SLC4A10: variants seen among roughly 807,000 people sequenced by gnomAD.
The protein encoded by SLC4A10 is solute carrier family 4 member 10.
SLC4A10 carries 42 observed loss-of-function variants against 137.7 expected under a neutral mutation model. The observed-to-expected ratio is 0.30, with a 90% CI of 0.24 to 0.39. The LOEUF is 0.39. Among genes scored for constraint, SLC4A10 ranks in the 10% least tolerant of loss-of-function variants. SLC4A10 has a pLI of 1.00. For missense variants in SLC4A10, 925 were observed against 1,355.0 expected, an observed-to-expected ratio of 0.68 and a Z score of 4.98; for synonymous variants, 474 against 464.1, an observed-to-expected ratio of 1.02 and a Z score of -0.27.
intron 7 of SLC4A10, 82 bp downstream of exon 7, chr2:161,872,466 A>G (rs1167974636): frequency 1.0e-6 from 1 of 1,005,006 alleles, no homozygotes; most frequent in Non-Finnish European, 1.5e-6. Flanking sequence ...TGTTGACACA[A>G]TATTTTGCAT....
chr2:161,813,712 C>A (rs2056774870), intron 3 of SLC4A10, among the ~76,000 whole-genome samples: 1 of 152,042 alleles, frequency 6.6e-6, no homozygotes, highest in Non-Finnish European at 1.5e-5. Context: ...ATATTTATAT[C>A]ATCTTACAAG....
intron 1 of SLC4A10, among the ~76,000 whole-genome samples, chr2:161,759,701 TA>T (rs548801355): frequency 6.6e-4 from 100 of 151,962 alleles, no homozygotes; most frequent in South Asian, 1.7e-3. Context: ...TTAAGTTCTT[TA>T]AAAAAAATTT....
rs542036484 is a variant in SLC4A10, at chr2:161,780,900, G to C, written c.130+9846G>C. Among the ~76,000 whole-genome samples, 6 of 152,022 alleles carry C rather than the reference G, an allele frequency of 3.9e-5. No homozygotes were observed. In the East Asian group the frequency reaches 1.2e-3, roughly 30 times the overall value. ...TTAATAAAAAATACATATCTAAAAG[G>C]ATAATCTGATGTTGTAAAATTATAA... On this transcript the variant is annotated intron_variant, in intron 2 of 26. Coordinates refer to ENST00000446997, the MANE Select transcript of SLC4A10 (RefSeq NM_001178015.2).
intron 1 of SLC4A10, among the ~76,000 whole-genome samples, chr2:161,641,340 T>A (rs1286511291): frequency 6.6e-6 from 1 of 152,170 alleles, no homozygotes; most frequent in Non-Finnish European, 1.5e-5. Flanking sequence ...GTTGAAGAAC[T>A]GACCAAAAGT....
intron 1 of SLC4A10, among the ~76,000 whole-genome samples, chr2:161,765,585 A>C (rs1274339737): frequency 6.7e-6 from 1 of 148,588 alleles, no homozygotes; most frequent in East Asian, 2.0e-4. Flanking sequence ...ACTGTACTCC[A>C]GCCTGAGTGA....
At chr2:161,653,504 A>C (rs2037097346) in intron 1 of SLC4A10, among the ~76,000 whole-genome samples, 1 of 152,202 alleles carries the variant, frequency 6.6e-6, no homozygotes, top group Non-Finnish European at 1.5e-5. Context: ...CCTCTCCAGC[A>C]TCTGTTGTTT....
intron 1 of SLC4A10, among the ~76,000 whole-genome samples, chr2:161,647,820 C>T (rs1247372419): frequency 6.6e-6 from 1 of 152,154 alleles, no homozygotes. Flanking sequence ...TCTCTGTCAT[C>T]CAGATGTCAC....
At chr2:161,882,520 A>T in intron 10 of SLC4A10, 76 bp downstream of exon 10, 1 of 863,598 alleles carries the variant, frequency 1.2e-6, no homozygotes, top group Non-Finnish European at 1.7e-6. Flanking sequence ...TCTTTTCATG[A>T]CAGTTTGTTG....
intron 1 of SLC4A10, among the ~76,000 whole-genome samples, chr2:161,756,157 G>A (rs182414134): frequency 4.7e-4 from 72 of 152,200 alleles, no homozygotes; most frequent in Admixed American, 1.4e-3. Flanking sequence ...AAGTGTTCAC[G>A]TCTTGATGCA....
At chr2:161,980,042 C>T (rs1191570454) in intron 26 of SLC4A10, among the ~76,000 whole-genome samples, 1 of 151,888 alleles carries the variant, frequency 6.6e-6, no homozygotes, top group Non-Finnish European at 1.5e-5. Context: ...GTGACAAGAG[C>T]CTCTGCAGCT....
intron 2 of SLC4A10, among the ~76,000 whole-genome samples, chr2:161,798,864 G>C (rs2055063245): frequency 6.7e-6 from 1 of 148,652 alleles, no homozygotes; most frequent in Non-Finnish European, 1.5e-5. Context: ...ATAGGAAAAA[G>C]TTTTGGTTAA....
rs1422387097 is a variant in SLC4A10, at chr2:161,985,193, T to C, written c.*2041T>C. 2.0e-5 allele frequency: 3 copies of C among 152,260 alleles called. No individual in the cohort carries two copies. The East Asian group carries it at 5.8e-4, about 29-fold the overall frequency. 9.4% of individuals were successfully genotyped at this position (152,260 alleles called of 1,614,324 possible). A position where few individuals can be genotyped will look rare whatever the true frequency, so the allele number is the denominator to read the frequency against. ...AGTTTAAATAATGTGTAAATGTGAC[T>C]AGGATATTGTGTTTTTCACAATTAA... On this transcript the variant is annotated 3_prime_UTR_variant, in exon 27 of 27. Coordinates refer to ENST00000446997, the MANE Select transcript of SLC4A10 (RefSeq NM_001178015.2).
chr2:161,968,104 A>G (rs966687871), intron 23 of SLC4A10, among the ~76,000 whole-genome samples: 9 of 152,140 alleles, frequency 5.9e-5, no homozygotes, highest in Non-Finnish European at 1.3e-4. Flanking sequence ...TATGTAATCT[A>G]TTATGTAATG....
intron 23 of SLC4A10, among the ~76,000 whole-genome samples, chr2:161,966,135 T>C (rs1433392937): frequency 2.0e-5 from 3 of 152,190 alleles, no homozygotes; most frequent in African/African-American, 7.2e-5. Flanking sequence ...TTTAATGAGG[T>C]CAGATCAGGC....
chr2:161,780,602 A>G (rs1025140898), intron 2 of SLC4A10, among the ~76,000 whole-genome samples: 1 of 152,052 alleles, frequency 6.6e-6, no homozygotes, highest in Non-Finnish European at 1.5e-5. Flanking sequence ...TTTTGAAATA[A>G]GCTTTTACAC....
At chr2:161,632,248 A>T (rs899673222) in intron 1 of SLC4A10, among the ~76,000 whole-genome samples, 1 of 151,718 alleles carries the variant, frequency 6.6e-6, no homozygotes, top group Non-Finnish European at 1.5e-5. Context: ...ACCAGATGGG[A>T]TCAAAACATA....
chr2:161,958,459 T>A, intron 20 of SLC4A10, 28 bp from the exon 21 acceptor site: 1 of 1,579,018 alleles, frequency 6.3e-7, no homozygotes, highest in Non-Finnish European at 8.7e-7. Context: ...AAATGATTTC[T>A]GCCTTTTCTC....
intron 1 of SLC4A10, among the ~76,000 whole-genome samples, chr2:161,643,036 T>C (rs2035529605): frequency 6.6e-6 from 1 of 152,018 alleles, no homozygotes; most frequent in South Asian, 2.1e-4. Flanking sequence ...ATATTTCATA[T>C]CAAACTCCTT....
At chr2:161,838,165 T>C (rs980110944) in intron 3 of SLC4A10, among the ~76,000 whole-genome samples, 1 of 152,192 alleles carries the variant, frequency 6.6e-6, no homozygotes, top group East Asian at 1.9e-4. Flanking sequence ...CAAATATAAC[T>C]AATTGATTTT....
Sources: gnomAD v4.1 joint callset for allele counts (sites outside exome capture counted in the v4.1 genomes callset) on GRCh38, gnomAD v4.1.1 for gene constraint, MANE v1.5 for transcripts, NCBI Gene and HGNC (gene_info 2026-07-23, HGNC 2026-07-21) for gene names.